Variants in KDM5A observed in about 807,000 individuals in gnomAD.
The protein encoded by KDM5A is lysine-specific demethylase 5A.
In KDM5A, 42 loss-of-function variants were observed where a neutral mutation model predicts 193.5. That is an observed-to-expected ratio of 0.22 (90% CI 0.17 to 0.28). The LOEUF is 0.28. KDM5A is among the 10% of genes least tolerant of loss of function. The probability of loss-of-function intolerance (pLI) is 1.00; values close to 1 mark genes in which losing one functional copy is unlikely to be tolerated. For missense variants in KDM5A, 1,692 were observed against 2,055.1 expected, an observed-to-expected ratio of 0.82 and a Z score of 3.42; for synonymous variants, 796 against 718.1, an observed-to-expected ratio of 1.11 and a Z score of -1.73.
chr12:351,028 G>A (rs778071355), intron 9 of KDM5A, among the ~76,000 whole-genome samples: 49 of 152,188 alleles, frequency 3.2e-4, no homozygotes, highest in Non-Finnish European at 6.2e-4. Flanking sequence ...TCCCAAGTAC[G>A]GACAAAGATG....
At chr12:323,043 A>G in intron 16 of KDM5A, 39 bp downstream of exon 16, 2 of 1,612,470 alleles carry the variant, frequency 1.2e-6, no homozygotes, top group East Asian at 2.2e-5. Flanking sequence ...TAAAGTGACA[A>G]TCAATTCAGT....
chr12:377,355 G>A (rs1418660443), intron 3 of KDM5A, among the ~76,000 whole-genome samples: 1 of 151,940 alleles, frequency 6.6e-6, no homozygotes, highest in Non-Finnish European at 1.5e-5. Flanking sequence ...TAGAAGAATT[G>A]AAAGAAATGA....
intron 3 of KDM5A, among the ~76,000 whole-genome samples, chr12:372,152 TG>T (rs1165913024): frequency 6.6e-6 from 1 of 152,240 alleles, no homozygotes; most frequent in Admixed American, 6.5e-5. Flanking sequence ...ATTGGTAGCT[TG>T]ATGGGGATGG....
rs1591889955 is a variant in KDM5A, at chr12:280,192, C to T, written c.*5264G>A. ...ACATAATATAGTATTTGATTCCATTCTTTTGTACTGTTCCCTACTTTTACA... is the reference window on the plus strand; with the variant it reads ...ACATAATATAGTATTTGATTCCATTTTTTTGTACTGTTCCCTACTTTTACA... On this transcript the variant is annotated 3_prime_UTR_variant, in exon 28 of 28. Coordinates refer to ENST00000399788, the MANE Select transcript of KDM5A (RefSeq NM_001042603.3). 2 of 232,456 alleles carry T rather than the reference C, an allele frequency of 8.6e-6. No homozygotes were observed. The highest frequency in any genetic ancestry group is 4.4e-5 in the African/African-American group (2 of 45,298). 14.4% of individuals were successfully genotyped at this position (232,456 alleles called of 1,614,324 possible).
intron 24 of KDM5A, among the ~76,000 whole-genome samples, chr12:303,655 C>T (rs78803944): frequency 6.7e-6 from 1 of 149,404 alleles, no homozygotes; most frequent in Non-Finnish European, 1.5e-5. Context: ...AAGTATAATA[C>T]AAAAAAAATT....
At chr12:358,745 G>A (rs1034045259) in intron 5 of KDM5A, among the ~76,000 whole-genome samples, 9 of 152,010 alleles carry the variant, frequency 5.9e-5, no homozygotes, top group East Asian at 3.9e-4. Context: ...AGGCTGAGGC[G>A]GGTGGATCAC....
rs35804849 is a variant in KDM5A at position 357,338 on chromosome 12, C to CAAAAA, written c.673-806_673-802dup. On this transcript the variant is annotated intron_variant, in intron 5 of 27. Coordinates refer to ENST00000399788, the MANE Select transcript of KDM5A (RefSeq NM_001042603.3). ...GCAACATAGTGACCCCCGTTTCTAC[C>CAAAAA]AAAAAAAAAAAAATTAGCTGGGCAT... Among the ~76,000 whole-genome samples, 397 of 142,660 alleles carry CAAAAA rather than the reference C, an allele frequency of 2.8e-3. 2 individuals are homozygous for CAAAAA. Among genetic ancestry groups the CAAAAA allele is most frequent in the African/African-American group, 1.0e-2 (379 of 37,978 alleles). The allele number at this position is 142,660 out of a possible 152,430, so 93.6% of individuals were successfully genotyped here.
chr12:380,890 G>A (rs1944564987), intron 3 of KDM5A, among the ~76,000 whole-genome samples: 1 of 152,058 alleles, frequency 6.6e-6, no homozygotes, highest in Non-Finnish European at 1.5e-5. Flanking sequence ...CTGCCTCCCG[G>A]TTTCAAGTGA....
intron 17 of KDM5A, among the ~76,000 whole-genome samples, chr12:322,099 C>G (rs1943724375): frequency 6.6e-6 from 1 of 152,064 alleles, no homozygotes; most frequent in Admixed American, 6.6e-5. Flanking sequence ...AAAACAAAGG[C>G]TTCAAAGAGG....
chr12:361,219 G>A (rs1334951007), intron 5 of KDM5A, among the ~76,000 whole-genome samples: 2 of 151,866 alleles, frequency 1.3e-5, no homozygotes, highest in South Asian at 2.1e-4. Context: ...TCTGGAGACG[G>A]AGTCTTGCTC....
chr12:313,076 C>A lies in KDM5A; in HGVS notation c.3016G>T (p.Ala1006Ser), dbSNP rs769792722. The change falls in exon 20 of 28, where the codon GCT becomes TCT. Residue 1006 changes from alanine (A) to serine (S), a missense_variant. By Grantham distance (99) the Ala-to-Ser change is moderately conservative (BLOSUM62 1). Coordinates refer to ENST00000399788, the MANE Select transcript of KDM5A (RefSeq NM_001042603.3). ...CTTACCTGAATAGCTTCCACTTTAG[C>A]GGTCCATTCTCGAGCCTTTTGTAAG... The part of the protein sequence containing the change: ...EALQKAREWT[A>S]KVEAIQSGSN... 2 of 1,614,118 alleles carry A rather than the reference C, an allele frequency of 1.2e-6. No individual in the cohort carries two copies. The highest frequency in any genetic ancestry group is 1.7e-6 in the Non-Finnish European group (2 of 1,179,974).
At chr12:297,497 G>C (rs910612434) in intron 24 of KDM5A, among the ~76,000 whole-genome samples, 1 of 152,076 alleles carries the variant, frequency 6.6e-6, no homozygotes, top group Admixed American at 6.6e-5. Context: ...TTCGTACAAG[G>C]GCTGAAATGT....
chr12:289,585 T>C (rs1943262882), intron 27 of KDM5A, among the ~76,000 whole-genome samples: 1 of 151,844 alleles, frequency 6.6e-6, no homozygotes, highest in Non-Finnish European at 1.5e-5. Flanking sequence ...CATAGTGGTG[T>C]GTGCCTGTAG....
chr12:308,496 C>T (rs1377633274), intron 22 of KDM5A, among the ~76,000 whole-genome samples: 1 of 152,132 alleles, frequency 6.6e-6, no homozygotes, highest in Non-Finnish European at 1.5e-5. Flanking sequence ...GGGGCAAGTC[C>T]TACACAAATT....
At chr12:339,175 T>G (rs1245426570) in intron 10 of KDM5A, among the ~76,000 whole-genome samples, 3 of 114,772 alleles carry the variant, frequency 2.6e-5, no homozygotes, top group African/African-American at 1.0e-4. Context: ...CGAAACCCCA[T>G]CTCAAAAAAA....
chr12:310,056 C>A, intron 21 of KDM5A, 92 bp from the exon 22 acceptor site: 3 of 1,338,872 alleles, frequency 2.2e-6, no homozygotes, highest in South Asian at 2.5e-5. Flanking sequence ...ACTGTTCAAC[C>A]ATGTCCCACG....
At chr12:321,740 C>T (rs1214499796) in intron 17 of KDM5A, among the ~76,000 whole-genome samples, 1 of 152,182 alleles carries the variant, frequency 6.6e-6, no homozygotes, top group African/African-American at 2.4e-5. Context: ...CTTATGAATT[C>T]TATTATATCA....
At chr12:330,206 G>A (rs1943848896) in intron 13 of KDM5A, among the ~76,000 whole-genome samples, 1 of 151,416 alleles carries the variant, frequency 6.6e-6, no homozygotes, top group Non-Finnish European at 1.5e-5. Context: ...ACAAGCAAAA[G>A]AAAAAAATCA....
chr12:384,191 T>C (rs1944611946), intron 2 of KDM5A, 38 bp from the exon 3 acceptor site: 2 of 1,481,894 alleles, frequency 1.3e-6, no homozygotes, highest in Non-Finnish European at 1.9e-6. Context: ...AAGTTATGAT[T>C]GAAATGAATA....
Sources: allele counts gnomAD v4.1 joint callset (sites outside exome capture counted in the v4.1 genomes callset), GRCh38; gene constraint gnomAD v4.1.1; transcripts MANE v1.5; gene names NCBI Gene and HGNC (gene_info 2026-07-23, HGNC 2026-07-21).